Variants in UBE2B observed in about 807,000 individuals in gnomAD.
UBE2B encodes ubiquitin-conjugating enzyme E2 B.
A neutral mutation model predicts 24.6 loss-of-function variants in UBE2B; 11 were observed. The observed-to-expected ratio is 0.45, with a 90% confidence interval of 0.28 to 0.74. UBE2B has a LOEUF of 0.74. UBE2B is among the 30% of genes least tolerant of loss of function. The probability of loss-of-function intolerance (pLI) is 0.13; values close to 1 mark genes in which losing one functional copy is unlikely to be tolerated. For missense variants in UBE2B, 78 were observed against 185.6 expected (o/e 0.42, Z 3.37); for synonymous variants, 68 against 62.4 (o/e 1.09, Z -0.42).
In UBE2B at chr5:134,391,879, T is replaced by A. The variant is rs957380211; in HGVS notation, c.*1526T>A. On this transcript the variant is annotated 3_prime_UTR_variant, in exon 6 of 6. Coordinates refer to ENST00000265339, the MANE Select transcript of UBE2B (RefSeq NM_003337.4). Reference sequence around the variant, plus strand: ...TACTTAGGAGGCTGAGGTGGCAGAATAGCTTATGCCTAGGAGGTTGAGGCT... The same window carrying A: ...TACTTAGGAGGCTGAGGTGGCAGAAAAGCTTATGCCTAGGAGGTTGAGGCT... The A allele has an allele frequency of 6.6e-6, 1 of 152,256 alleles. No homozygotes were observed. Among genetic ancestry groups the A allele is most frequent in the Admixed American group, 6.5e-5 (1 of 15,280 alleles). 9.4% of individuals were successfully genotyped at this position (152,256 alleles called of 1,614,324 possible). A position where few individuals can be genotyped will look rare whatever the true frequency, so the allele number is the denominator to read the frequency against.
Position 134,371,588 on chromosome 5 carries a change from T to C in UBE2B, c.-8T>C. On this transcript the variant is annotated 5_prime_UTR_variant, in exon 1 of 6. Coordinates refer to ENST00000265339, the MANE Select transcript of UBE2B (RefSeq NM_003337.4). ...TTTTTCAGACTGACCGCGGGGCAGC[T>C]GCGGAGCATGTCGACCCCGGCCCGG... The C allele has an allele frequency of 6.2e-7, 1 of 1,611,878 alleles. No homozygotes were observed. Among genetic ancestry groups the C allele is most frequent in the Non-Finnish European group, 8.5e-7 (1 of 1,179,536 alleles).
intron 5 of UBE2B, 90 bp downstream of exon 5, chr5:134,388,503 T>C: frequency 3.4e-6 from 4 of 1,169,266 alleles, no homozygotes; most frequent in Middle Eastern, 1.9e-4. Context: ...TGGCAGAGCT[T>C]GGACAAGAAT....
chr5:134,377,215 T>G (rs1758624252), intron 3 of UBE2B, among the ~76,000 whole-genome samples: 1 of 152,242 alleles, frequency 6.6e-6, no homozygotes, highest in South Asian at 2.1e-4. Context: ...ATACCGAATT[T>G]ATAATTGAAC....
At chr5:134,371,844 T>G (rs1392695793) in intron 1 of UBE2B, among the ~76,000 whole-genome samples, 1 of 151,958 alleles carries the variant, frequency 6.6e-6, no homozygotes, top group Non-Finnish European at 1.5e-5. Context: ...TGATACTGCT[T>G]CCCCTCCCCA....
At chr5:134,383,418 T>G (rs1249605252) in intron 4 of UBE2B, among the ~76,000 whole-genome samples, 1 of 151,066 alleles carries the variant, frequency 6.6e-6, no homozygotes, top group Non-Finnish European at 1.5e-5. Context: ...CAAGTGATTC[T>G]CTTGCCTCAG....
At chr5:134,381,160 G>A (rs1383868817) in intron 4 of UBE2B, among the ~76,000 whole-genome samples, 1 of 151,704 alleles carries the variant, frequency 6.6e-6, no homozygotes. Context: ...TAGAGACGGG[G>A]TTTCACCATG....
intron 4 of UBE2B, among the ~76,000 whole-genome samples, chr5:134,387,345 G>A (rs1244819954): frequency 1.3e-5 from 2 of 152,118 alleles, no homozygotes; most frequent in Admixed American, 6.5e-5. Context: ...TTCTAGGAGT[G>A]TAATTGCTAT....
intron 4 of UBE2B, 82 bp downstream of exon 4, chr5:134,380,890 T>G (rs763660498): frequency 4.4e-6 from 4 of 917,396 alleles, no homozygotes; most frequent in Admixed American, 2.0e-5. Context: ...ACCTTACTTT[T>G]TACTGTTAGG....
Position 134,391,046 on chromosome 5 carries a change from A to G in UBE2B, c.*693A>G, listed in dbSNP as rs1561684079. On this transcript the variant is annotated 3_prime_UTR_variant, in exon 6 of 6. Transcript: ENST00000265339. ...GCCATTTGTTACAGTTTCTTCATGC[A>G]TTACTTACTGTTAAAACTGTACCTT... 6.5e-6 allele frequency: 1 copy of G among 152,776 alleles called. No individual in the cohort carries two copies. The highest frequency in any genetic ancestry group is 6.5e-5 in the Admixed American group (1 of 15,276). 9.5% of individuals were successfully genotyped at this position (152,776 alleles called of 1,614,324 possible).
chr5:134,382,826 GGTTT>G (rs769205389), intron 4 of UBE2B, among the ~76,000 whole-genome samples: 44 of 150,792 alleles, frequency 2.9e-4, no homozygotes, highest in Middle Eastern at 3.4e-3. Flanking sequence ...TGTTTTTTTT[GGTTT>G]GTTTGTTTTT....
At chr5:134,382,515 A>G (rs935490410) in intron 4 of UBE2B, among the ~76,000 whole-genome samples, 4 of 151,960 alleles carry the variant, frequency 2.6e-5, no homozygotes, top group Non-Finnish European at 5.9e-5. Context: ...GTTCATGCCT[A>G]TTAATTCCAG....
intron 3 of UBE2B, 132 bp downstream of exon 3, chr5:134,376,826 AT>A: frequency 1.2e-6 from 1 of 810,950 alleles, no homozygotes; most frequent in Non-Finnish European, 1.9e-6. Flanking sequence ...GCTATGGAAA[AT>A]TTATACTTCA....
In UBE2B at chr5:134,390,340, GGAATGAT is replaced by G. The variant is rs1192849948; in HGVS notation, c.447_453del (p.Trp149CysfsTer9). ...GTTTCGGCCATTGTTGAACAAAGCT[GGAATGAT>G]TCATAATAGACAACTGGTCTGTTAA... On this transcript the variant is annotated frameshift_variant, in exon 6 of 6. Transcript: ENST00000265339. LOFTEE classifies it high-confidence loss of function. The surrounding 1 kb of genome is among the most constrained non-coding windows in gnomAD (Gnocchi z 4.6). 2 of 1,613,860 alleles carry G rather than the reference GGAATGAT, an allele frequency of 1.2e-6. No individual in the cohort carries two copies. Among genetic ancestry groups the G allele is most frequent in the African/African-American group, 2.7e-5 (2 of 74,904 alleles).
chr5:134,380,678 T>C (rs766258844), intron 3 of UBE2B, 41 bp from the exon 4 acceptor site: 3 of 1,175,784 alleles, frequency 2.6e-6, no homozygotes, highest in Middle Eastern at 2.1e-4. Flanking sequence ...GATTAAAAAG[T>C]CGTGCTTGTC....
chr5:134,376,839 A>AATG (rs1264704686), intron 3 of UBE2B, 145 bp downstream of exon 3: 1 of 699,006 alleles, frequency 1.4e-6, no homozygotes, highest in Non-Finnish European at 2.3e-6. Context: ...TATACTTCAT[A>AATG]AGGGACTTCT....
At chr5:134,386,765 T>C (rs1758809245) in intron 4 of UBE2B, among the ~76,000 whole-genome samples, 1 of 152,178 alleles carries the variant, frequency 6.6e-6, no homozygotes. Context: ...TATATAAAAC[T>C]TTTTAATCAA....
intron 1 of UBE2B, among the ~76,000 whole-genome samples, chr5:134,372,367 C>T (rs1233764144): frequency 6.6e-6 from 1 of 152,170 alleles, no homozygotes; most frequent in African/African-American, 2.4e-5. Flanking sequence ...TAATCTGATA[C>T]TCCCTGGGCC....
intron 3 of UBE2B, among the ~76,000 whole-genome samples, chr5:134,376,932 T>C (rs543285014): frequency 6.1e-4 from 93 of 152,342 alleles, no homozygotes; most frequent in African/African-American, 2.2e-3. Context: ...TAAGCCTGGA[T>C]GGCAGTGTTT....
At chr5:134,372,709 G>C (rs17706244) in intron 1 of UBE2B, among the ~76,000 whole-genome samples, 5,776 of 152,270 alleles carry the variant, frequency 0.038, 152 homozygotes, top group Non-Finnish European at 0.056. Flanking sequence ...GCGTCAAGCA[G>C]TGCAGTTCTT....
Sources: gnomAD v4.1 joint callset for allele counts (sites outside exome capture counted in the v4.1 genomes callset) on GRCh38, gnomAD v4.1.1 for gene constraint, Gnocchi (gnomAD v3.1) non-coding constraint, MANE v1.5 for transcripts, NCBI Gene and HGNC (gene_info 2026-07-23, HGNC 2026-07-21) for gene names.